Variants in DNAH11 observed in about 807,000 individuals in gnomAD.
The protein encoded by DNAH11 is axonemal beta dynein heavy chain 11.
In DNAH11, 442 loss-of-function variants were observed where a neutral mutation model predicts 526.0. That is an observed-to-expected ratio of 0.84 (90% confidence interval 0.78 to 0.91). The LOEUF is 0.91. Among genes scored for constraint, DNAH11 ranks in the 40% least tolerant of loss-of-function variants. The probability of loss-of-function intolerance (pLI) is 0.00; values close to 1 mark genes in which losing one functional copy is unlikely to be tolerated. For synonymous variants in DNAH11, 2,461 were observed against 1,935.9 expected (o/e 1.27, Z -7.12); for missense variants, 6,989 against 5,448.7 (o/e 1.28, Z -8.90).
chr7:21,649,814 C>T (rs916574764), intron 28 of DNAH11, among the ~76,000 whole-genome samples: 19 of 151,982 alleles, frequency 1.3e-4, no homozygotes, highest in Non-Finnish European at 2.8e-4. Context: ...TATAGGTGTG[C>T]ACCACCGTGG....
At chr7:21,867,765 T>C (rs1783336615) in intron 71 of DNAH11, 94 bp from the exon 72 acceptor site, 1 of 1,183,550 alleles carries the variant, frequency 8.4e-7, no homozygotes, top group Non-Finnish European at 1.2e-6. Context: ...TGGTTACTTC[T>C]ATCGTGTGCC....
At chr7:21,612,074 T>C (rs1036556591) in intron 20 of DNAH11, among the ~76,000 whole-genome samples, 1 of 152,048 alleles carries the variant, frequency 6.6e-6, no homozygotes, top group Non-Finnish European at 1.5e-5. Flanking sequence ...ACAGCAGATA[T>C]TCAAAAATAT....
intron 55 of DNAH11, among the ~76,000 whole-genome samples, chr7:21,768,621 C>T (rs1218655931): frequency 2.0e-5 from 3 of 152,200 alleles, no homozygotes; most frequent in African/African-American, 4.8e-5. Flanking sequence ...TCCGTATCAT[C>T]AGCTTTTTCA....
chr7:21,834,961 G>A (rs1781938109), intron 65 of DNAH11, among the ~76,000 whole-genome samples: 1 of 152,068 alleles, frequency 6.6e-6, no homozygotes, highest in Admixed American at 6.6e-5. Context: ...TGATACCACA[G>A]TAATAACAGA....
chr7:21,869,056 C>G, intron 73 of DNAH11, 65 bp downstream of exon 73: 3 of 1,601,242 alleles, frequency 1.9e-6, no homozygotes, highest in Non-Finnish European at 2.6e-6. Flanking sequence ...GCAGAGCTGG[C>G]CCGCCCAACA....
intron 54 of DNAH11, among the ~76,000 whole-genome samples, chr7:21,757,924 A>C (rs1034846755): frequency 2.6e-5 from 4 of 152,204 alleles, no homozygotes; most frequent in Non-Finnish European, 5.9e-5. Flanking sequence ...ATATCGCAGA[A>C]CCTTATCCTT....
chr7:21,728,090 C>T (rs77192748), intron 45 of DNAH11, among the ~76,000 whole-genome samples: 14,881 of 151,994 alleles, frequency 0.098, 913 homozygotes, highest in East Asian at 0.24. Context: ...AATACAGCCA[C>T]ATTCTGAGGT....
intron 69 of DNAH11, among the ~76,000 whole-genome samples, chr7:21,863,718 AATCTT>A (rs1227468168): frequency 6.6e-6 from 1 of 152,246 alleles, no homozygotes; most frequent in Non-Finnish European, 1.5e-5. Context: ...GCTATATCAT[AATCTT>A]AAGTCCTGAC....
chr7:21,863,478 C>G (rs1318852651), intron 69 of DNAH11, among the ~76,000 whole-genome samples: 2 of 152,246 alleles, frequency 1.3e-5, no homozygotes, highest in East Asian at 1.9e-4. Context: ...CAGGCGTGCA[C>G]CACCACACCC....
Position 21,899,406 on chromosome 7 carries a change from G to T in DNAH11, c.13120G>T (p.Val4374Leu), listed in dbSNP as rs560018723. Residue 4374 changes from valine (V) to leucine (L), a missense_variant, in exon 80 of 82, where the codon GTG becomes TTG. By Grantham distance (32) the Val-to-Leu change is conservative. Transcript: ENST00000409508. Reference protein sequence around the residue: ...WTQDLTLPAVVWLSGFFNPQS... With the variant: ...WTQDLTLPAVLWLSGFFNPQS... Reference sequence around the variant, plus strand: ...ACAAGACCTTACCCTTCCGGCTGTCGTGTGGCTCTCCGGCTTCTTCAACCC... The same window carrying T: ...ACAAGACCTTACCCTTCCGGCTGTCTTGTGGCTCTCCGGCTTCTTCAACCC... 9 of 1,613,784 alleles carry T rather than the reference G, an allele frequency of 5.6e-6. No homozygotes were observed. Among genetic ancestry groups the T allele is most frequent in the African/African-American group, 1.3e-5 (1 of 74,912 alleles).
At chr7:21,693,985 C>G (rs1046484433) in intron 35 of DNAH11, among the ~76,000 whole-genome samples, 2 of 152,026 alleles carry the variant, frequency 1.3e-5, no homozygotes, top group African/African-American at 4.8e-5. Context: ...GCACTTTCAA[C>G]CCATCGTATC....
At chr7:21,690,647 A>G (rs1783577414) in intron 34 of DNAH11, 118 bp from the exon 35 acceptor site, 1 of 726,486 alleles carries the variant, frequency 1.4e-6, no homozygotes, top group Non-Finnish European at 2.3e-6. Context: ...ATTTTAAAGA[A>G]AATTACACAG....
chr7:21,566,890 A>G (rs1298060461), intron 6 of DNAH11, among the ~76,000 whole-genome samples: 1 of 152,166 alleles, frequency 6.6e-6, no homozygotes, highest in East Asian at 1.9e-4. Flanking sequence ...TATCATGCAT[A>G]CAATTTTGTA....
chr7:21,601,649 C>A (rs1438845967), intron 18 of DNAH11, 31 bp downstream of exon 18: 1 of 1,466,176 alleles, frequency 6.8e-7, no homozygotes, highest in Non-Finnish European at 9.1e-7. Context: ...ATCATAATTA[C>A]CATAAATTGA....
chr7:21,874,971 T>G (rs1272455462), intron 74 of DNAH11, among the ~76,000 whole-genome samples: 1 of 152,198 alleles, frequency 6.6e-6, no homozygotes, highest in Non-Finnish European at 1.5e-5. Flanking sequence ...GTTAACATCC[T>G]TAGCTTCTTT....
chr7:21,721,519 ATTATGGTGTCAGCATGG>A (rs1784873639), intron 44 of DNAH11, among the ~76,000 whole-genome samples: 1 of 152,312 alleles, frequency 6.6e-6, no homozygotes, highest in East Asian at 1.9e-4. Context: ...AAAGTCCAAG[ATTATGGTGTCAGCATGG>A]TTGAGTTCCA....
rs538050110 is a variant in DNAH11 at position 21,894,035 on chromosome 7, T to G, written c.12751-588T>G. On this transcript the variant is annotated intron_variant, in intron 77 of 81. Transcript: ENST00000409508. ...ACCCAAATAGCTGGGATTACAGACATGCTCCAACATGCCTGGCTAATTTTT... is the reference window on the plus strand; with the variant it reads ...ACCCAAATAGCTGGGATTACAGACAGGCTCCAACATGCCTGGCTAATTTTT... 2.0e-5 allele frequency among the ~76,000 whole-genome samples: 3 copies of G among 152,258 alleles called. No individual in the cohort carries two copies. The East Asian group carries it at 5.8e-4, about 29-fold the overall frequency.
At chr7:21,613,278 A>G (rs922222035) in intron 20 of DNAH11, among the ~76,000 whole-genome samples, 2 of 152,208 alleles carry the variant, frequency 1.3e-5, no homozygotes, top group African/African-American at 2.4e-5. Flanking sequence ...TTAGCAATAC[A>G]TTAATGTGAA....
intron 2 of DNAH11, among the ~76,000 whole-genome samples, chr7:21,553,386 C>T (rs78976836): frequency 0.041 from 6,256 of 152,124 alleles, 435 homozygotes; most frequent in African/African-American, 0.14. Flanking sequence ...ACCTGAAATC[C>T]CTCCCCTTTT....
Sources: allele counts gnomAD v4.1 joint callset (sites outside exome capture counted in the v4.1 genomes callset), GRCh38; gene constraint gnomAD v4.1.1; transcripts MANE v1.5; gene names NCBI Gene and HGNC (gene_info 2026-07-23, HGNC 2026-07-21).